PARP11: variants seen among roughly 807,000 people sequenced by gnomAD.
The protein encoded by PARP11 is protein mono-ADP-ribosyltransferase PARP11.
In PARP11, 31 loss-of-function variants were observed where a neutral mutation model predicts 42.9. The observed-to-expected ratio is 0.72, with a 90% CI of 0.54 to 0.98. The LOEUF is 0.98. PARP11 is among the 50% of genes least tolerant of loss of function. PARP11 has a pLI of 0.00. For synonymous variants in PARP11, 137 were observed against 127.3 expected (o/e 1.08, Z -0.51); for missense variants, 365 against 413.1 (o/e 0.88, Z 1.01).
At chr12:3,868,991 G>A (rs957651424) in intron 1 of PARP11, among the ~76,000 whole-genome samples, 2 of 152,148 alleles carry the variant, frequency 1.3e-5, no homozygotes, top group Admixed American at 6.5e-5. Flanking sequence ...ATCTATTTCC[G>A]TGGTTTTTCA....
At chr12:3,831,674 AT>A (rs1475835888) in intron 1 of PARP11, among the ~76,000 whole-genome samples, 1 of 152,064 alleles carries the variant, frequency 6.6e-6, no homozygotes, top group Admixed American at 6.5e-5. Context: ...ATTATTTCCC[AT>A]TTTTTTCTTC....
At chr12:3,838,337 T>C (rs1947806984) in intron 1 of PARP11, among the ~76,000 whole-genome samples, 1 of 151,950 alleles carries the variant, frequency 6.6e-6, no homozygotes, top group South Asian at 2.1e-4. Flanking sequence ...TTAAACAACA[T>C]GCTCCAAAAT....
In PARP11 at chr12:3,855,973, C is replaced by T. The variant is rs865966398; in HGVS notation, c.18+17239G>A. On this transcript the variant is annotated intron_variant, in intron 1 of 7. Transcript: ENST00000228820. ...AACAGAACAGAGGCCTCAGAAATAA[C>T]ACCACACATCTACAACCACCTGATC... Among the ~76,000 whole-genome samples the T allele has an allele frequency of 1.6e-4, 24 of 152,236 alleles. No homozygotes were observed. In the South Asian group the frequency reaches 1.7e-3, roughly 11 times the overall value.
chr12:3,850,377 A>G (rs1204061513), intron 1 of PARP11, among the ~76,000 whole-genome samples: 1 of 152,212 alleles, frequency 6.6e-6, no homozygotes, highest in African/African-American at 2.4e-5. Context: ...GAGACTTTAC[A>G]TAAGGCCACA....
At chr12:3,846,369 CTA>C (rs1947995768) in intron 1 of PARP11, among the ~76,000 whole-genome samples, 1 of 151,774 alleles carries the variant, frequency 6.6e-6, no homozygotes, top group Admixed American at 6.6e-5. Context: ...TTATTAGAGA[CTA>C]TTATGGACAA....
intron 3 of PARP11, 68 bp downstream of exon 3, chr12:3,828,842 C>T (rs1237293527): frequency 1.4e-6 from 2 of 1,420,246 alleles, no homozygotes; most frequent in South Asian, 1.2e-5. Context: ...TAATCCTGAC[C>T]TTCAGAGCTG....
rs549613450 is a variant in PARP11, at chr12:3,809,990, C to G, written c.*2133G>C. 1 of 152,354 alleles carries G rather than the reference C, an allele frequency of 6.6e-6. No individual in the cohort carries two copies. Among genetic ancestry groups the G allele is most frequent in the Non-Finnish European group, 1.5e-5 (1 of 68,042 alleles). 9.4% of individuals were successfully genotyped at this position (152,354 alleles called of 1,614,324 possible). On this transcript the variant is annotated 3_prime_UTR_variant, in exon 8 of 8. Transcript: ENST00000228820. ...TGTCCTGGGTACTACTTACCTCCCA[C>G]TGCACAATTACACATATGCTGGTCT...
intron 1 of PARP11, among the ~76,000 whole-genome samples, chr12:3,843,372 A>T (rs1947932849): frequency 6.6e-6 from 1 of 152,222 alleles, no homozygotes; most frequent in Non-Finnish European, 1.5e-5. Context: ...TGCCACTTTA[A>T]CACTAATGCA....
At chr12:3,841,893 C>A (rs972277952) in intron 1 of PARP11, 6 of 1,608,030 alleles carry the variant, frequency 3.7e-6, no homozygotes, top group Middle Eastern at 1.6e-4. Flanking sequence ...GTTCAGTTTC[C>A]ACAGTAGATG....
intron 1 of PARP11, among the ~76,000 whole-genome samples, chr12:3,852,899 C>G (rs1009443884): frequency 1.3e-5 from 2 of 152,152 alleles, no homozygotes; most frequent in African/African-American, 4.8e-5. Flanking sequence ...TCAGGTTACC[C>G]ACAAAGGGAA....
At chr12:3,812,620 T>C (rs1006206642) in intron 7 of PARP11, among the ~76,000 whole-genome samples, 181 bp from the exon 8 acceptor site, 4 of 152,206 alleles carry the variant, frequency 2.6e-5, no homozygotes, top group Non-Finnish European at 5.9e-5. Flanking sequence ...ACAGCTGTAG[T>C]ATAGACTGCC....
At chr12:3,812,498 GC>G (rs1947201173) in intron 7 of PARP11, 59 bp from the exon 8 acceptor site, 1 of 1,289,352 alleles carries the variant, frequency 7.8e-7, no homozygotes, top group South Asian at 1.4e-5. Context: ...TTAAAAACAA[GC>G]AAAAACATTT....
chr12:3,841,139 A>G, intron 1 of PARP11: 1 of 1,608,136 alleles, frequency 6.2e-7, no homozygotes, highest in African/African-American at 1.3e-5. Context: ...CCTTTGCCTC[A>G]GACATTGAGC....
At chr12:3,826,943 A>G (rs1193653056) in intron 3 of PARP11, among the ~76,000 whole-genome samples, 2 of 152,196 alleles carry the variant, frequency 1.3e-5, no homozygotes, top group Non-Finnish European at 2.9e-5. Flanking sequence ...ATCTCATCTA[A>G]TTGACATCAT....
chr12:3,860,749 T>C (rs1490794262), intron 1 of PARP11, among the ~76,000 whole-genome samples: 1 of 152,192 alleles, frequency 6.6e-6, no homozygotes, highest in East Asian at 1.9e-4. Context: ...ACATCATAGC[T>C]CACTGCAACC....
At position 3,809,296 on chromosome 12, in the gene PARP11, A is replaced by G. The variant is rs769446842; in HGVS notation, c.*2827T>C. ...CAAAACAAAGAAATAAAATTTTAAC[A>G]TCCATTAACTCTGTACTATCATATT... On this transcript the variant is annotated 3_prime_UTR_variant, in exon 8 of 8. Transcript: ENST00000228820. 2 of 152,198 alleles carry G rather than the reference A, an allele frequency of 1.3e-5. No homozygotes were observed. Among genetic ancestry groups the G allele is most frequent in the Non-Finnish European group, 2.9e-5 (2 of 68,032 alleles). 9.4% of individuals were successfully genotyped at this position (152,198 alleles called of 1,614,324 possible). A position where few individuals can be genotyped will look rare whatever the true frequency, so the allele number is the denominator to read the frequency against.
intron 1 of PARP11, among the ~76,000 whole-genome samples, chr12:3,834,325 G>A (rs939844221): frequency 2.6e-5 from 4 of 152,148 alleles, no homozygotes; most frequent in African/African-American, 7.2e-5. Context: ...AGAACCCCAT[G>A]CCTAAGGGCA....
intron 1 of PARP11, among the ~76,000 whole-genome samples, chr12:3,854,997 T>C (rs746537281): frequency 1.3e-5 from 2 of 152,210 alleles, no homozygotes; most frequent in Admixed American, 6.5e-5. Context: ...TCAATAAACG[T>C]AATCCATCAC....
chr12:3,826,342 G>A (rs1046949105), intron 3 of PARP11, 109 bp from the exon 4 acceptor site: 6 of 705,796 alleles, frequency 8.5e-6, no homozygotes, highest in Middle Eastern at 2.9e-4. Flanking sequence ...ATGGAGCTTC[G>A]GGAGTAGCTG....
Sources: gnomAD v4.1 joint callset for allele counts (sites outside exome capture counted in the v4.1 genomes callset) on GRCh38, gnomAD v4.1.1 for gene constraint, MANE v1.5 for transcripts, NCBI Gene and HGNC (gene_info 2026-07-23, HGNC 2026-07-21) for gene names.